The following SULT1A4 variants were observed in gnomAD, a reference collection of about 807,000 sequenced individuals.
The protein encoded by SULT1A4 is sulfotransferase family 1A member 4.
For missense variants in SULT1A4, 4 were observed against 40.6 expected (o/e 0.10, Z 2.45); for synonymous variants, 3 against 19.4 (o/e 0.15, Z 2.22).
rs150339073 is a variant in SULT1A4 at position 29,461,490 on chromosome 16, A to G, written c.105A>G (p.Gln35=). Residue 35 remains glutamine, a synonymous_variant, in exon 2 of 8, where the codon CAA becomes CAG. Transcript: ENST00000360423. ...AEALGPLQSF[Q]ARPDDLLINT... is the part of the protein sequence containing the mutation. ...CACTGGGGCCCCTGCAGAGCTTCCA[A>G]GCCCGACCTGATGACCTGCTCATCA... The G allele has an allele frequency of 0.24, 122,249 of 499,236 alleles. 113 individuals are homozygous for G. The highest frequency in any genetic ancestry group is 0.29 in the Non-Finnish European group (95,430 of 326,732). The allele number at this position is 499,236 out of a possible 1,614,324, so 30.9% of individuals were successfully genotyped here.
At chr16:29,461,281 T>G (rs1596710245) in intron 1 of SULT1A4, 101 bp from the exon 2 acceptor site, 2 of 1,415,430 alleles carry the variant, frequency 1.4e-6, no homozygotes, top group East Asian at 2.5e-5. Flanking sequence ...TGGGTGAGAG[T>G]GAGACTCCAT....
rs187911730 is a variant in SULT1A4, at chr16:29,462,240, A to G, written c.372+290A>G. ...AACACAGCAAAACCATCTCTACGAA[A>G]AAAAAGTTCCCACTGACTGGCAAGG... is the stretch of plus-strand genomic sequence containing the variant. On this transcript the variant is annotated intron_variant, in intron 4 of 7. Transcript: ENST00000360423. 3.9e-3 allele frequency among the ~76,000 whole-genome samples: 515 copies of G among 131,210 alleles called. 9 individuals carry two copies. Among genetic ancestry groups the G allele is most frequent in the Middle Eastern group, 7.0e-3 (2 of 286 alleles). The allele number at this position is 131,210 out of a possible 152,430, so 86.1% of individuals were successfully genotyped here.
At chr16:29,462,420 C>T (rs1964881395) in intron 4 of SULT1A4, among the ~76,000 whole-genome samples, 1 of 144,194 alleles carries the variant, frequency 6.9e-6, no homozygotes, top group Admixed American at 7.0e-5. Flanking sequence ...ATGATCTCAG[C>T]TCACTGCAAC....
intron 3 of SULT1A4, 31 bp downstream of exon 3, chr16:29,461,794 G>A: frequency 9.2e-6 from 2 of 218,278 alleles, no homozygotes; most frequent in Admixed American, 1.2e-4. Flanking sequence ...GGTAAGGGAA[G>A]TGGAGGAAGA....
chr16:29,462,408 G>T (rs1328064839), intron 4 of SULT1A4, among the ~76,000 whole-genome samples: 1 of 145,658 alleles, frequency 6.9e-6, no homozygotes, highest in Non-Finnish European at 1.5e-5. Flanking sequence ...GAGTGCAGTG[G>T]CATGATCTCA....
chr16:29,462,695 C>T (rs1346951959), intron 4 of SULT1A4: 660 of 62,860 alleles, frequency 0.01, no homozygotes, highest in Admixed American at 0.013. Flanking sequence ...GAGGCTAGAG[C>T]GCAATCGTGT....
chr16:29,462,441 C>G (rs1290980994), intron 4 of SULT1A4, among the ~76,000 whole-genome samples: 18 of 140,578 alleles, frequency 1.3e-4, no homozygotes, highest in Non-Finnish European at 2.0e-4. Context: ...CTCCGCCTCC[C>G]CAGTTCAAGT....
intron 2 of SULT1A4, 23 bp downstream of exon 2, chr16:29,461,556 C>T (rs1473806335): frequency 2.6e-6 from 1 of 381,700 alleles, no homozygotes; most frequent in Non-Finnish European, 4.5e-6. Context: ...GGCCACCCAC[C>T]CTCTCCCAGG....
intron 4 of SULT1A4, chr16:29,462,546 T>C (rs1455479236): frequency 8.8e-6 from 1 of 113,732 alleles, no homozygotes; most frequent in Admixed American, 9.3e-5. Context: ...GAGACGGGGT[T>C]TCACCATGTT....
In SULT1A4 at chr16:29,461,745, G is replaced by T; in HGVS notation, c.256G>T (p.Asp86Tyr). ...YVRVPFLEVN[D>Y]PGEPSGLETL... The stretch of plus-strand genomic sequence containing the variant: ...ACGGGTGCCCTTCCTTGAGGTCAAT[G>T]ATCCAGGGGAACCCTCAGGTGCATG... Residue 86 changes from aspartate (D) to tyrosine (Y), a missense_variant, in exon 3 of 8, where the codon GAT (aspartate) becomes TAT (tyrosine). By Grantham distance (160) the Asp-to-Tyr change is radical (BLOSUM62 -3). Transcript: ENST00000360423. 4.7e-6 allele frequency: 1 copy of T among 214,444 alleles called. No homozygotes were observed. 13.3% of individuals were successfully genotyped at this position (214,444 alleles called of 1,614,324 possible).
intron 4 of SULT1A4, among the ~76,000 whole-genome samples, chr16:29,462,179 G>A (rs1411112528): frequency 7.9e-6 from 1 of 126,918 alleles, no homozygotes; most frequent in Non-Finnish European, 1.6e-5. Flanking sequence ...GCTGCAATGA[G>A]CCCTGATGAT....
At chr16:29,462,265 G>A (rs1247667420) in intron 4 of SULT1A4, among the ~76,000 whole-genome samples, 1 of 142,714 alleles carries the variant, frequency 7.0e-6, no homozygotes, top group African/African-American at 2.9e-5. Flanking sequence ...GACTGGCAAG[G>A]AAAGCCAGGA....
rs1212190468 is a variant in SULT1A4 at position 29,461,917 on chromosome 16, G to C, written c.339G>C (p.Leu113=). The C allele has an allele frequency of 3.6e-6, 1 of 276,672 alleles. No individual in the cohort carries two copies. Among genetic ancestry groups the C allele is most frequent in the South Asian group, 2.5e-5 (1 of 40,540 alleles). 17.1% of individuals were successfully genotyped at this position (276,672 alleles called of 1,614,324 possible). Residue 113 remains leucine, a synonymous_variant, in exon 4 of 8, where the codon CTG becomes CTC. Transcript: ENST00000360423. The part of the protein sequence containing the change: ...RLIKSHLPLA[L]LPQTLLDQKV... ...TCAAGTCACACCTGCCCCTGGCTCT[G>C]CTCCCTCAGACTCTGTTGGATCAGA...
At chr16:29,461,611 T>C (rs1280868217) in intron 2 of SULT1A4, 27 bp from the exon 3 acceptor site, 4 of 303,062 alleles carry the variant, frequency 1.3e-5, no homozygotes, top group Admixed American at 7.3e-5. Context: ...CTCAGCCTGC[T>C]CACCTCCTAT....
chr16:29,462,288 G>A (rs1410939245), intron 4 of SULT1A4, among the ~76,000 whole-genome samples: 4 of 145,390 alleles, frequency 2.8e-5, no homozygotes, highest in African/African-American at 5.4e-5. Context: ...GGGGGCTCAG[G>A]TGCCCTCTCA....
rs548263229 is a variant in SULT1A4 at position 29,462,329 on chromosome 16, C to T, written c.372+379C>T. 5.4e-5 allele frequency among the ~76,000 whole-genome samples: 8 copies of T among 148,634 alleles called. 2 individuals carry two copies. In the East Asian group the frequency reaches 1.6e-3, roughly 30 times the overall value. ...GTACCTGTTCTTCTGGAAGGGCCTC[C>T]TCGCTTCTGCCAGGCTCATCACATC... On this transcript the variant is annotated intron_variant, in intron 4 of 7. Coordinates refer to ENST00000360423, the MANE Select transcript of SULT1A4 (RefSeq NM_001017390.3).
At chr16:29,462,359 T>A (rs1432748546) in intron 4 of SULT1A4, among the ~76,000 whole-genome samples, 6 of 149,004 alleles carry the variant, frequency 4.0e-5, no homozygotes, top group African/African-American at 1.5e-4. Flanking sequence ...CACATCTTTT[T>A]TTTTTTTGAG....
At chr16:29,462,353 T>A (rs1964879879) in intron 4 of SULT1A4, among the ~76,000 whole-genome samples, 1 of 148,774 alleles carries the variant, frequency 6.7e-6, no homozygotes, top group East Asian at 2.0e-4. Context: ...GCTCATCACA[T>A]CTTTTTTTTT....
At chr16:29,462,303 T>C (rs975369485) in intron 4 of SULT1A4, among the ~76,000 whole-genome samples, 3 of 146,596 alleles carry the variant, frequency 2.0e-5, no homozygotes, top group African/African-American at 7.9e-5. Context: ...CTCTCAGCCA[T>C]GTACCTGTTC....
Sources: allele counts gnomAD v4.1 joint callset (sites outside exome capture counted in the v4.1 genomes callset), GRCh38; gene constraint gnomAD v4.1.1; transcripts MANE v1.5; gene names NCBI Gene and HGNC (gene_info 2026-07-23, HGNC 2026-07-21).